RBMS3: variants seen among roughly 807,000 people sequenced by gnomAD.
RBMS3 encodes the protein RNA binding motif single stranded interacting protein 3.
Under a neutral mutation model 66.8 loss-of-function variants are expected in RBMS3, and 27 were observed. The ratio of observed to expected loss-of-function variants is 0.40; its 90% confidence interval spans 0.30 to 0.56. The LOEUF is 0.56. Among genes scored for constraint, RBMS3 ranks in the 20% least tolerant of loss-of-function variants. The pLI, the probability that RBMS3 is intolerant of heterozygous loss-of-function variation, is 0.40. For missense variants in RBMS3, 513 were observed against 549.5 expected (o/e 0.93, Z 0.66); for synonymous variants, 188 against 183.0 (o/e 1.03, Z -0.22).
intron 1 of RBMS3, among the ~76,000 whole-genome samples, chr3:29,338,187 C>G (rs963685907): frequency 6.6e-6 from 1 of 152,140 alleles, no homozygotes; most frequent in Non-Finnish European, 1.5e-5. Context: ...AGCTCCACAT[C>G]TATTTTGTCT....
intron 3 of RBMS3, among the ~76,000 whole-genome samples, chr3:29,535,787 G>A (rs768753046): frequency 7.9e-6 from 1 of 126,458 alleles, no homozygotes; most frequent in African/African-American, 3.0e-5. Flanking sequence ...AGGTATTCAG[G>A]ATGGTGAGTT....
intron 4 of RBMS3, among the ~76,000 whole-genome samples, chr3:29,605,937 T>A (rs2048306394): frequency 6.6e-6 from 1 of 151,694 alleles, no homozygotes; most frequent in African/African-American, 2.4e-5. Flanking sequence ...TTTCCCCTCT[T>A]TCTGGCTTTG....
chr3:29,985,031 G>A (rs1698279534), intron 12 of RBMS3, among the ~76,000 whole-genome samples: 1 of 152,224 alleles, frequency 6.6e-6, no homozygotes, highest in South Asian at 2.1e-4. Flanking sequence ...CTGTCCCAGG[G>A]AGATGGGTGT....
At chr3:29,988,526 G>GA (rs1316386548) in intron 13 of RBMS3, among the ~76,000 whole-genome samples, 1 of 152,006 alleles carries the variant, frequency 6.6e-6, no homozygotes, top group Non-Finnish European at 1.5e-5. Flanking sequence ...CTTATAAAAG[G>GA]AAAAAAGTTT....
rs189541875 is a variant in RBMS3, at chr3:29,300,295, G to A, written c.75+18539G>A. The stretch of plus-strand genomic sequence containing the variant: ...AAAGCTTTAAAAACATACATGCCCG[G>A]TTATATAGCAAAACCAATTCTAGAA... On this transcript the variant is annotated intron_variant, in intron 1 of 14. Coordinates refer to ENST00000383767, the MANE Select transcript of RBMS3 (RefSeq NM_001003793.3). Among the ~76,000 whole-genome samples the A allele has an allele frequency of 1.9e-3, 290 of 151,992 alleles. 1 individual carries two copies. Among genetic ancestry groups the A allele is most frequent in the South Asian group, 0.016 (75 of 4,816 alleles).
intron 12 of RBMS3, among the ~76,000 whole-genome samples, chr3:29,964,083 C>T (rs1220233762): frequency 3.3e-5 from 5 of 152,142 alleles, no homozygotes; most frequent in Admixed American, 3.3e-4. Context: ...AAGGAATCCA[C>T]CACGAAGTGT....
chr3:29,904,192 T>C (rs1382962333), intron 10 of RBMS3, among the ~76,000 whole-genome samples: 1 of 151,952 alleles, frequency 6.6e-6, no homozygotes, highest in Non-Finnish European at 1.5e-5. Flanking sequence ...GTAAAATAAC[T>C]TTAAACAATG....
chr3:29,906,523 T>G (rs2060382069), intron 10 of RBMS3, among the ~76,000 whole-genome samples: 1 of 152,154 alleles, frequency 6.6e-6, no homozygotes, highest in Admixed American at 6.6e-5. Flanking sequence ...TTCTAATGTG[T>G]AAGTTTTGTA....
intron 3 of RBMS3, among the ~76,000 whole-genome samples, chr3:29,552,008 TA>T (rs3836339): frequency 6.6e-6 from 1 of 151,290 alleles, no homozygotes; most frequent in Admixed American, 6.6e-5. Context: ...CACAAATGCT[TA>T]AAAAAAAAGA....
intron 4 of RBMS3, among the ~76,000 whole-genome samples, chr3:29,681,716 G>A (rs1161306444): frequency 6.6e-6 from 1 of 152,112 alleles, no homozygotes; most frequent in East Asian, 1.9e-4. Context: ...AGTATTCCAT[G>A]GTGTATATGT....
intron 6 of RBMS3, among the ~76,000 whole-genome samples, chr3:29,865,277 G>C (rs1241145045): frequency 1.0e-3 from 156 of 152,198 alleles, no homozygotes; most frequent in African/African-American, 3.6e-3. Flanking sequence ...CTAAAGAGAA[G>C]TCATACTCTA....
At chr3:29,880,672 G>A in intron 7 of RBMS3, 2 of 992,976 alleles carry the variant, frequency 2.0e-6, no homozygotes, top group African/African-American at 1.6e-5. Context: ...TTCAGCCAAT[G>A]GGTTAAGTTC....
chr3:29,922,894 G>A (rs965170689), intron 10 of RBMS3, among the ~76,000 whole-genome samples: 1 of 151,962 alleles, frequency 6.6e-6, no homozygotes, highest in African/African-American at 2.4e-5. Flanking sequence ...ATAAGCTGGC[G>A]GTGTAAACAT....
intron 4 of RBMS3, among the ~76,000 whole-genome samples, chr3:29,662,103 T>A (rs2050576260): frequency 6.6e-6 from 1 of 152,230 alleles, no homozygotes. Flanking sequence ...AAAAATAGTC[T>A]GTACTTAAGG....
At chr3:29,903,438 A>G (rs1293451096) in intron 10 of RBMS3, among the ~76,000 whole-genome samples, 1 of 152,028 alleles carries the variant, frequency 6.6e-6, no homozygotes, top group African/African-American at 2.4e-5. Flanking sequence ...ACAGACGTCT[A>G]TACTGCATGC....
At chr3:29,669,942 C>A (rs537186988) in intron 4 of RBMS3, among the ~76,000 whole-genome samples, 9 of 152,292 alleles carry the variant, frequency 5.9e-5, no homozygotes, top group African/African-American at 2.2e-4. Flanking sequence ...CTTTGCCAAA[C>A]TTCGCATTTT....
At chr3:29,488,714 A>G (rs1488102119) in intron 3 of RBMS3, among the ~76,000 whole-genome samples, 3 of 152,212 alleles carry the variant, frequency 2.0e-5, no homozygotes, top group Admixed American at 2.0e-4. Context: ...CACAAATCAG[A>G]ACAAGTATCA....
rs1698852077 is a variant in RBMS3, at chr3:29,991,194, C to G, written c.1292C>G (p.Ser431Cys). ...TCCAACGAACATGCACCTGCATATT[C>G]TTACCAACAGTCTAAGTAAGTCTGG... is the stretch of plus-strand genomic sequence containing the variant. Reference protein sequence around the residue: ...DTSNEHAPAYSYQQSKP With the variant: ...DTSNEHAPAYCYQQSKP The change falls in exon 14 of 15, where the codon TCT (serine) becomes TGT (cysteine). Residue 431 changes from serine (S) to cysteine (C), a missense_variant. By Grantham distance (112) the Ser-to-Cys change is moderately radical (BLOSUM62 -1). Coordinates refer to ENST00000383767, the MANE Select transcript of RBMS3 (RefSeq NM_001003793.3). 2 of 1,614,056 alleles carry G rather than the reference C, an allele frequency of 1.2e-6. No individual in the cohort carries two copies. The highest frequency in any genetic ancestry group is 1.1e-5 in the South Asian group (1 of 91,084).
intron 4 of RBMS3, chr3:29,614,879 G>A (rs891831085): frequency 3.3e-5 from 5 of 152,140 alleles, no homozygotes; most frequent in African/African-American, 9.7e-5. Flanking sequence ...TTGCATTTAC[G>A]TAACTGTTTA....
Sources: gnomAD v4.1 joint callset for allele counts (sites outside exome capture counted in the v4.1 genomes callset) on GRCh38, gnomAD v4.1.1 for gene constraint, MANE v1.5 for transcripts, NCBI Gene and HGNC (gene_info 2026-07-23, HGNC 2026-07-21) for gene names.